The following SPOCD1 variants were observed in gnomAD, a reference collection of about 807,000 sequenced individuals.
The protein encoded by SPOCD1 is SPOC domain-containing protein 1.
SPOCD1 carries 64 observed loss-of-function variants against 92.2 expected under a neutral mutation model. The observed-to-expected ratio is 0.69, with a 90% CI of 0.57 to 0.86. SPOCD1 has a LOEUF of 0.86. Among genes scored for constraint, SPOCD1 ranks in the 40% least tolerant of loss-of-function variants. The pLI, the probability that SPOCD1 is intolerant of heterozygous loss-of-function variation, is 0.00. For missense variants in SPOCD1, 1,360 were observed against 1,543.1 expected, an observed-to-expected ratio of 0.88 and a Z score of 1.99; for synonymous variants, 578 against 619.3, an observed-to-expected ratio of 0.93 and a Z score of 0.99.
In SPOCD1 at chr1:31,798,272, G is replaced by A. The variant is rs769151411; in HGVS notation, c.2080C>T (p.Arg694Trp). The change falls in exon 9 of 16, where the codon CGG becomes TGG. Residue 694 changes from arginine to tryptophan, a missense_variant. Arg to Trp is a moderately radical substitution (Grantham distance 101). Around this residue, in one of 3 missense-constraint regions of SPOCD1, gnomAD observed 614 missense variants for 757.8 expected, o/e 0.81. Transcript: ENST00000360482. The surrounding 1 kb of genome is among the most constrained non-coding windows in gnomAD (Gnocchi z 4.1). ...GGGGCCAGCTGCATCGAGCTCATCC[G>A]CACCAGGTCGTAGGGGGTGACATCT... ...HGDVTPYDLV[R>W]MSSMQLAPQE... 21 of 1,613,894 alleles carry A rather than the reference G, an allele frequency of 1.3e-5. No homozygotes were observed. The highest frequency in any genetic ancestry group is 5.3e-5 in the African/African-American group (4 of 74,920).
intron 2 of SPOCD1, among the ~76,000 whole-genome samples, chr1:31,803,788 AGGAAAGGAAAG>A (rs376409965): frequency 1.1e-4 from 16 of 150,638 alleles, no homozygotes; most frequent in African/African-American, 3.2e-4. Flanking sequence ...AGGAGAAGAA[AGGAAAGGAAAG>A]GGAAAGGAAA....
rs1325532078 is a variant in SPOCD1, at chr1:31,790,848, C to G, written c.3406G>C (p.Gly1136Arg). The G allele has an allele frequency of 1.3e-6, 2 of 1,547,222 alleles. No individual in the cohort carries two copies. The highest frequency in any genetic ancestry group is 2.7e-5 in the African/African-American group (2 of 73,052). The change falls in exon 16 of 16, where the codon GGC becomes CGC. Residue 1136 changes from glycine to arginine, a missense_variant. Coordinates refer to ENST00000360482, the MANE Select transcript of SPOCD1 (RefSeq NM_144569.7). ...CAGGAGTCCCTGTGGAAGTGCTGGCCACGGCCAAAGCCATGACCAGCTGGT... is the reference window on the plus strand; with the variant it reads ...CAGGAGTCCCTGTGGAAGTGCTGGCGACGGCCAAAGCCATGACCAGCTGGT... ...VAPAGHGFGR[G>R]QHFHRDSCPH...
intron 2 of SPOCD1, among the ~76,000 whole-genome samples, chr1:31,808,721 G>A (rs566243859): frequency 1.3e-5 from 2 of 152,166 alleles, no homozygotes; most frequent in African/African-American, 4.8e-5. Context: ...AGGGAAGAGA[G>A]ATGTAAAGAA....
At chr1:31,802,257 A>G (rs377219558) in intron 2 of SPOCD1, among the ~76,000 whole-genome samples, 1 of 152,248 alleles carries the variant, frequency 6.6e-6, no homozygotes, top group Non-Finnish European at 1.5e-5. Flanking sequence ...TAAGGAAGTC[A>G]TCATAAAAAT....
rs762470560 is a variant in SPOCD1, at chr1:31,798,162, T to C, written c.2145+45A>G. On this transcript the variant is annotated intron_variant, in intron 9 of 15. Transcript: ENST00000360482. The surrounding 1 kb of genome is among the most constrained non-coding windows in gnomAD (Gnocchi z 4.1). ...TCTTCCACTCTCAGGCCACCCACTC[T>C]GCCCCTACATCCCCTCACCCATCCC... The C allele has an allele frequency of 6.9e-7, 1 of 1,439,910 alleles. No individual in the cohort carries two copies. The highest frequency in any genetic ancestry group is 9.8e-7 in the Non-Finnish European group (1 of 1,021,380). 89.2% of individuals were successfully genotyped at this position (1,439,910 alleles called of 1,614,324 possible).
In SPOCD1 at chr1:31,814,904, C is replaced by CT. The variant is rs1293149450; in HGVS notation, c.429dup (p.Glu144ArgfsTer35). 1.2e-6 allele frequency: 2 copies of CT among 1,613,846 alleles called. No homozygotes were observed. The highest frequency in any genetic ancestry group is 1.7e-6 in the Non-Finnish European group (2 of 1,180,016). ...CTCTCCCTGCAGGCCAGAGCTCTCTCTGGGAGGCCAGCAGACCTGCTACAA... is the reference window on the plus strand; with the variant it reads ...CTCTCCCTGCAGGCCAGAGCTCTCTCTTGGGAGGCCAGCAGACCTGCTACAA... On this transcript the variant is annotated frameshift_variant, in exon 2 of 16. Coordinates refer to ENST00000360482, the MANE Select transcript of SPOCD1 (RefSeq NM_144569.7). LOFTEE classifies it high-confidence loss of function. The surrounding 1 kb of genome is among the most constrained non-coding windows in gnomAD (Gnocchi z 4.2).
chr1:31,802,441 G>C (rs903297781), intron 2 of SPOCD1, among the ~76,000 whole-genome samples: 5 of 152,170 alleles, frequency 3.3e-5, no homozygotes, highest in African/African-American at 1.2e-4. Flanking sequence ...AAGCTGCAGA[G>C]CTAGTATTAG....
chr1:31,792,153 C>T (rs780621700), intron 15 of SPOCD1, 62 bp downstream of exon 15: 132 of 1,527,224 alleles, frequency 8.6e-5, no homozygotes, highest in Non-Finnish European at 1.1e-4. Flanking sequence ...CTGTGTCAAC[C>T]GTGCCTGGTC....
At position 31,800,705 on chromosome 1, in the gene SPOCD1, A is replaced by C. The variant is rs566197488; in HGVS notation, c.1426-88T>G. The C allele has an allele frequency of 2.5e-6, 3 of 1,177,486 alleles. No individual in the cohort carries two copies. In the South Asian group the frequency reaches 4.6e-5, roughly 18 times the overall value. The allele number at this position is 1,177,486 out of a possible 1,614,324, so 72.9% of individuals were successfully genotyped here. A position where few individuals can be genotyped will look rare whatever the true frequency, so the allele number is the denominator to read the frequency against. Reference sequence around the variant, plus strand: ...CTCGCCTCATCTGTAATTGTTGAACATCTCTCTCCCACTGGAGTGTAAGCT... The same window carrying C: ...CTCGCCTCATCTGTAATTGTTGAACCTCTCTCTCCCACTGGAGTGTAAGCT... On this transcript the variant is annotated intron_variant, in intron 3 of 15. Coordinates refer to ENST00000360482, the MANE Select transcript of SPOCD1 (RefSeq NM_144569.7).
At chr1:31,799,139 C>G (rs1376733337) in intron 7 of SPOCD1, among the ~76,000 whole-genome samples, 1 of 152,160 alleles carries the variant, frequency 6.6e-6, no homozygotes. Flanking sequence ...GCATTTGCTG[C>G]GGGTGACATT....
At position 31,792,253 on chromosome 1, in the gene SPOCD1, T is replaced by G; in HGVS notation, c.2924A>C (p.Gln975Pro). The change falls in exon 15 of 16, where the codon CAG becomes CCG. Residue 975 changes from glutamine to proline, a missense_variant. Physicochemically the swap from Gln to Pro is moderately conservative, Grantham distance 76. Coordinates refer to ENST00000360482, the MANE Select transcript of SPOCD1 (RefSeq NM_144569.7). Reference sequence around the variant, plus strand: ...AGGGCGCAGCCTGGTGGGCAGGGGCTGGAAGGCAGGCAGGGGCAGCAGGAC... The same window carrying G: ...AGGGCGCAGCCTGGTGGGCAGGGGCGGGAAGGCAGGCAGGGGCAGCAGGAC... Reference protein sequence around the residue: ...GMVLLPLPAFQPLPTRLRPLG... With the variant: ...GMVLLPLPAFPPLPTRLRPLG... 1.2e-6 allele frequency: 2 copies of G among 1,612,252 alleles called. No homozygotes were observed. Among genetic ancestry groups the G allele is most frequent in the Non-Finnish European group, 1.7e-6 (2 of 1,179,292 alleles).
Position 31,814,163 on chromosome 1 carries a change from G to C in SPOCD1, c.1171C>G (p.Arg391Gly). 2 of 1,580,700 alleles carry C rather than the reference G, an allele frequency of 1.3e-6. No individual in the cohort carries two copies. The highest frequency in any genetic ancestry group is 8.6e-7 in the Non-Finnish European group (1 of 1,159,806). Residue 391 changes from arginine (R) to glycine (G), a missense_variant, in exon 2 of 16, where the codon CGG (arginine) becomes GGG (glycine). Physicochemically the swap from Arg to Gly is moderately radical, Grantham distance 125. Coordinates refer to ENST00000360482, the MANE Select transcript of SPOCD1 (RefSeq NM_144569.7). The surrounding 1 kb of genome is among the most constrained non-coding windows in gnomAD (Gnocchi z 4.2). The stretch of plus-strand genomic sequence containing the variant: ...GAGCTGAGGCCGCCCAAGGGCTCCC[G>C]GGAGCTGGCACAGGTGTCAGCGGGG... ...AAPADTCASS[R>G]EPLGGLSSSL...
chr1:31,798,500 C>T lies in SPOCD1; in HGVS notation c.1970G>A (p.Gly657Asp), dbSNP rs1453559641. The T allele has an allele frequency of 1.9e-6, 3 of 1,614,002 alleles. No homozygotes were observed. Among genetic ancestry groups the T allele is most frequent in the Admixed American group, 1.7e-5 (1 of 60,016 alleles). Reference sequence around the variant, plus strand: ...GCTGCGATACTTGGTCTTGTACCGGCCATTGGTGCCTTGTGTCAGGTCCCA... The same window carrying T: ...GCTGCGATACTTGGTCTTGTACCGGTCATTGGTGCCTTGTGTCAGGTCCCA... ...ALWDLTQGTN[G>D]RYKTKYRSLL... The change falls in exon 8 of 16, where the codon GGC becomes GAC. Residue 657 changes from glycine to aspartate, a missense_variant. Gly to Asp is a moderately conservative substitution (Grantham distance 94, BLOSUM62 -1). This residue lies in a region of SPOCD1 where 614 missense variants were observed against 757.8 expected (regional missense o/e 0.81). Coordinates refer to ENST00000360482, the MANE Select transcript of SPOCD1 (RefSeq NM_144569.7). This position sits in a 1 kb window ranked among gnomAD's most constrained non-coding sequence, Gnocchi z 4.1.
At chr1:31,813,800 T>A (rs144866406) in intron 2 of SPOCD1, 151 bp downstream of exon 2, 1 of 622,414 alleles carries the variant, frequency 1.6e-6, no homozygotes, top group East Asian at 3.0e-5. Flanking sequence ...TCCCAGTTTG[T>A]GGGCCTCATT....
At chr1:31,809,368 T>C (rs1649046159) in intron 2 of SPOCD1, among the ~76,000 whole-genome samples, 2 of 152,228 alleles carry the variant, frequency 1.3e-5, no homozygotes, top group Middle Eastern at 6.8e-3. Context: ...TGGGGGTGTA[T>C]ACTATTTCAA....
In SPOCD1 at chr1:31,793,787, G is replaced by A. The variant is rs776285614; in HGVS notation, c.2494C>T (p.Pro832Ser). Residue 832 changes from proline (P) to serine (S), a missense_variant, in exon 12 of 16, where the codon CCC becomes TCC. By Grantham distance (74) the Pro-to-Ser change is moderately conservative. Transcript: ENST00000360482. Reference sequence around the variant, plus strand: ...GTGGGAGACAACTCCCTGGTTTTGGGCATCTCTGGAGCAGGCATAGGAGTT... The same window carrying A: ...GTGGGAGACAACTCCCTGGTTTTGGACATCTCTGGAGCAGGCATAGGAGTT... ...SQTPMPAPEM[P>S]KTRELSPTEP... 1.1e-5 allele frequency: 17 copies of A among 1,614,080 alleles called. No homozygotes were observed. The highest frequency in any genetic ancestry group is 1.4e-5 in the Non-Finnish European group (17 of 1,180,054).
In SPOCD1 at chr1:31,798,368, T is replaced by C. The variant is rs965327054; in HGVS notation, c.2029-45A>G. 1.3e-6 allele frequency: 2 copies of C among 1,595,734 alleles called. No homozygotes were observed. The highest frequency in any genetic ancestry group is 1.3e-5 in the African/African-American group (1 of 74,498). On this transcript the variant is annotated intron_variant, in intron 8 of 15. Transcript: ENST00000360482. This position sits in a 1 kb window ranked among gnomAD's most constrained non-coding sequence, Gnocchi z 4.1. ...GGGCTGCACCACACGCTGAAAGAGC[T>C]CCCCCACCCTAGCATCCTGCAGGGG...
Position 31,814,765 on chromosome 1 carries a change from G to A in SPOCD1, c.569C>T (p.Pro190Leu). ...TGGTGAGGATGTCAGGGGCCTTCCA[G>A]GGGGCTCCTCTTTGCTGAGTGTGGG... The part of the protein sequence containing the change: ...RSPTLSKEEP[P>L]GRPLTSSPDP... Residue 190 changes from proline (P) to leucine (L), a missense_variant, in exon 2 of 16, where the codon CCT becomes CTT. Pro to Leu is a moderately conservative substitution (Grantham distance 98, BLOSUM62 -3). Transcript: ENST00000360482. The surrounding 1 kb of genome is among the most constrained non-coding windows in gnomAD (Gnocchi z 4.2). 6.2e-7 allele frequency: 1 copy of A among 1,613,522 alleles called. No individual in the cohort carries two copies. The highest frequency in any genetic ancestry group is 8.5e-7 in the Non-Finnish European group (1 of 1,179,756).
In SPOCD1 at chr1:31,815,091, C is replaced by A; in HGVS notation, c.243G>T (p.Gly81=). The A allele has an allele frequency of 6.2e-7, 1 of 1,613,546 alleles. No individual in the cohort carries two copies. The highest frequency in any genetic ancestry group is 8.5e-7 in the Non-Finnish European group (1 of 1,179,834). The change falls in exon 2 of 16, where the codon GGG becomes GGT. Residue 81 remains glycine (G), a synonymous_variant. Coordinates refer to ENST00000360482, the MANE Select transcript of SPOCD1 (RefSeq NM_144569.7). ...RAAGAAEVRP[G]VLELLAVVQS... ...GTACCACAGCTAGCAGCTCCAAGAC[C>A]CCTGGCCGGACCTCAGCAGCACCTG... is the stretch of plus-strand genomic sequence containing the variant.
Sources: allele counts gnomAD v4.1 joint callset (sites outside exome capture counted in the v4.1 genomes callset), GRCh38; gene constraint gnomAD v4.1.1; regional missense constraint gnomAD v4.1.1; non-coding constraint Gnocchi (gnomAD v3.1); transcripts MANE v1.5; gene names NCBI Gene and HGNC (gene_info 2026-07-23, HGNC 2026-07-21).